Variants in LINGO2 observed in about 807,000 individuals in gnomAD.
LINGO2 encodes the protein leucine-rich repeat and immunoglobulin-like domain-containing nogo receptor-interacting protein 2.
A neutral mutation model predicts 30.6 loss-of-function variants in LINGO2; 14 were observed. The ratio of observed to expected loss-of-function variants is 0.46; its 90% CI spans 0.30 to 0.72. LINGO2 has a LOEUF of 0.72. Ranked by LOEUF, LINGO2 falls within the 30% of genes least tolerant of loss-of-function variation. The pLI, the probability that LINGO2 is intolerant of heterozygous loss-of-function variation, is 0.07. For synonymous variants in LINGO2, 317 were observed against 288.5 expected, an observed-to-expected ratio of 1.10 and a Z score of -1.00; for missense variants, 729 against 751.7, an observed-to-expected ratio of 0.97 and a Z score of 0.35.
chr9:28,465,499 G>A (rs1929816), intron 2 of LINGO2, among the ~76,000 whole-genome samples: 94,569 of 151,934 alleles, frequency 0.62, 29,727 homozygotes, highest in South Asian at 0.74. Flanking sequence ...CATTTGGTTG[G>A]GAAAACAGGG....
chr9:28,259,642 A>C (rs1473280798), intron 4 of LINGO2, among the ~76,000 whole-genome samples: 1 of 151,880 alleles, frequency 6.6e-6, no homozygotes, highest in African/African-American at 2.4e-5. Flanking sequence ...GAAACAGAGA[A>C]GGAGCATTTC....
rs1453252107 is a variant in LINGO2, at chr9:28,619,199, T to C, written c.-365+51001A>G. Among the ~76,000 whole-genome samples, 5 of 152,174 alleles carry C rather than the reference T, an allele frequency of 3.3e-5. No homozygotes were observed. In the East Asian group the frequency reaches 9.6e-4, roughly 29 times the overall value. ...ATGAATGATGTTCAGCATTTTAAGC[T>C]AACCTGAATCATACTATTGCTGATG... On this transcript the variant is annotated intron_variant, in intron 1 of 5. Transcript: ENST00000379992.
chr9:29,078,055 C>A, the LINGO2 span, among the ~76,000 whole-genome samples: 245 of 152,072 alleles, frequency 1.6e-3, 2 homozygotes, highest in Non-Finnish European at 1.3e-4. Context: ...CTCCTTTAGT[C>A]TTTCTTCAGC....
chr9:28,257,425 C>T (rs1205044875), intron 4 of LINGO2, among the ~76,000 whole-genome samples: 1 of 151,776 alleles, frequency 6.6e-6, no homozygotes, highest in African/African-American at 2.4e-5. Context: ...AGAAAGGACT[C>T]TTTGTGATTT....
the LINGO2 span, among the ~76,000 whole-genome samples, chr9:29,012,289 C>T: frequency 8.6e-5 from 13 of 151,728 alleles, 1 homozygote; most frequent in Non-Finnish European, 1.8e-4. Context: ...ACCCACAAGG[C>T]GGAGGCTGCA....
intron 5 of LINGO2, among the ~76,000 whole-genome samples, chr9:27,986,983 G>T (rs1170207329): frequency 3.3e-5 from 5 of 151,470 alleles, no homozygotes; most frequent in Admixed American, 3.3e-4. Context: ...ATGGAGATAA[G>T]GTGGGGAATA....
chr9:28,102,564 A>G (rs1438065253), intron 4 of LINGO2, among the ~76,000 whole-genome samples: 1 of 152,036 alleles, frequency 6.6e-6, no homozygotes, highest in Non-Finnish European at 1.5e-5. Context: ...ACAAGGATCA[A>G]TGTGAGAGAC....
intron 2 of LINGO2, among the ~76,000 whole-genome samples, chr9:28,438,872 A>C (rs1340644350): frequency 6.9e-6 from 1 of 144,902 alleles, no homozygotes. Context: ...ATATTTATAC[A>C]TTATATATAG....
chr9:27,960,453 A>C, intron 5 of LINGO2, among the ~76,000 whole-genome samples: 2 of 152,298 alleles, frequency 1.3e-5, no homozygotes, highest in East Asian at 3.9e-4. Flanking sequence ...TCTTGCAGCT[A>C]TAATTTCCCC....
At chr9:28,510,890 A>C (rs555079920) in intron 1 of LINGO2, among the ~76,000 whole-genome samples, 2 of 152,202 alleles carry the variant, frequency 1.3e-5, no homozygotes, top group South Asian at 4.2e-4. Context: ...CAAGTCCCAA[A>C]ACTGAAGAAC....
At chr9:28,221,968 C>A (rs994300429) in intron 4 of LINGO2, among the ~76,000 whole-genome samples, 2 of 152,138 alleles carry the variant, frequency 1.3e-5, no homozygotes, top group Admixed American at 6.5e-5. Context: ...CTAGCCCTCA[C>A]AACATTCATT....
In LINGO2 at chr9:28,130,898, A is replaced by G. The variant is rs888923860; in HGVS notation, c.-86-118493T>C. Among the ~76,000 whole-genome samples, 21 of 152,068 alleles carry G rather than the reference A, an allele frequency of 1.4e-4. No homozygotes were observed. Among genetic ancestry groups the G allele is most frequent in the African/African-American group, 4.3e-4 (18 of 41,412 alleles). On this transcript the variant is annotated intron_variant, in intron 4 of 5. Coordinates refer to ENST00000379992, the Ensembl canonical transcript of LINGO2. The surrounding 1 kb of genome is among the most constrained non-coding windows in gnomAD (Gnocchi z 5.2). ...TTTCAAAATAGGGCCTCACATCTAT[A>G]TTTGTTTCAGTTTTCTGTCTCCAAA...
chr9:28,200,528 A>G (rs547955425), intron 4 of LINGO2, among the ~76,000 whole-genome samples: 3 of 152,306 alleles, frequency 2.0e-5, no homozygotes, highest in African/African-American at 7.2e-5. Context: ...CCATTTACAT[A>G]TGGCTTTAAG....
chr9:28,338,368 G>C (rs1246573715), intron 3 of LINGO2, among the ~76,000 whole-genome samples: 2 of 152,140 alleles, frequency 1.3e-5, no homozygotes, highest in Non-Finnish European at 2.9e-5. Context: ...TGATTTTACA[G>C]GCTTATAGGT....
At chr9:27,972,177 T>C (rs992905234) in intron 5 of LINGO2, among the ~76,000 whole-genome samples, 2 of 152,204 alleles carry the variant, frequency 1.3e-5, no homozygotes, top group Non-Finnish European at 1.5e-5. Context: ...GGAATCAAAC[T>C]TCTCTGTCTT....
At chr9:28,793,785 T>TA in the LINGO2 span, among the ~76,000 whole-genome samples, 1 of 152,136 alleles carries the variant, frequency 6.6e-6, no homozygotes, top group African/African-American at 2.4e-5. Context: ...TGGAGCTTGT[T>TA]AAAAAAGCAG....
the LINGO2 span, among the ~76,000 whole-genome samples, chr9:28,988,601 C>T: frequency 6.6e-6 from 1 of 152,142 alleles, no homozygotes; most frequent in South Asian, 2.1e-4. Flanking sequence ...TGTATTGATA[C>T]ATTACCCCAG....
At chr9:28,725,472 G>A in the LINGO2 span, among the ~76,000 whole-genome samples, 4 of 149,074 alleles carry the variant, frequency 2.7e-5, no homozygotes, top group South Asian at 2.1e-4. Flanking sequence ...TCTTATTCAC[G>A]AATAAAAGAG....
chr9:28,783,968 A>C, the LINGO2 span, among the ~76,000 whole-genome samples: 4 of 152,108 alleles, frequency 2.6e-5, no homozygotes, highest in Admixed American at 6.5e-5. Context: ...AAAGACACTA[A>C]TCCCATTCAT....
Sources: gnomAD v4.1 joint callset for allele counts (sites outside exome capture counted in the v4.1 genomes callset) on GRCh38, gnomAD v4.1.1 for gene constraint, Gnocchi (gnomAD v3.1) non-coding constraint, MANE v1.5 for transcripts, NCBI Gene and HGNC (gene_info 2026-07-23, HGNC 2026-07-21) for gene names.